Variants in MORC1 observed in about 807,000 individuals in gnomAD.
MORC1 encodes the protein MORC family CW-type zinc finger 1, also known as MORC family CW-type zinc finger protein 1.
A neutral mutation model predicts 134.9 loss-of-function variants in MORC1; 59 were observed. The ratio of observed to expected loss-of-function variants is 0.44; its 90% CI spans 0.35 to 0.54. The LOEUF (loss-of-function observed/expected upper bound fraction) is 0.54. MORC1 is among the 20% of genes least tolerant of loss of function. MORC1 has a pLI of 0.00. For missense variants in MORC1, 947 were observed against 1,134.5 expected, an observed-to-expected ratio of 0.83 and a Z score of 2.37; for synonymous variants, 395 against 391.7, an observed-to-expected ratio of 1.01 and a Z score of -0.10.
chr3:109,051,890 G>A (rs1949839638), intron 14 of MORC1, among the ~76,000 whole-genome samples: 1 of 151,916 alleles, frequency 6.6e-6, no homozygotes, highest in Admixed American at 6.6e-5. Flanking sequence ...AAGCAAAGGG[G>A]CTTCGAGAGA....
chr3:109,019,529 G>A (rs17665379), intron 17 of MORC1, among the ~76,000 whole-genome samples: 3,178 of 151,186 alleles, frequency 0.021, 52 homozygotes, highest in South Asian at 0.043. Flanking sequence ...TTCTTACATT[G>A]TTTACGTCAC....
At chr3:108,976,599 A>G (rs960631105) in intron 24 of MORC1, among the ~76,000 whole-genome samples, 4 of 152,242 alleles carry the variant, frequency 2.6e-5, no homozygotes, top group African/African-American at 9.6e-5. Context: ...GCAAAAGAGA[A>G]AACTGGTATG....
chr3:109,033,025 T>C (rs1949274820), intron 15 of MORC1, among the ~76,000 whole-genome samples, 200 bp from the exon 16 acceptor site: 1 of 152,096 alleles, frequency 6.6e-6, no homozygotes, highest in Non-Finnish European at 1.5e-5. Flanking sequence ...AACAAGTTAT[T>C]ATTATTATTA....
chr3:109,052,803 C>T (rs35511406), intron 14 of MORC1, among the ~76,000 whole-genome samples: 8,116 of 151,966 alleles, frequency 0.053, 502 homozygotes, highest in African/African-American at 0.15. Flanking sequence ...CTATGTCTGC[C>T]TAATTTAAAA....
At chr3:109,066,020 G>A (rs1323507230) in intron 9 of MORC1, among the ~76,000 whole-genome samples, 1 of 152,040 alleles carries the variant, frequency 6.6e-6, no homozygotes, top group African/African-American at 2.4e-5. Flanking sequence ...ACAAGACGGG[G>A]GAGAGGGAGG....
Position 109,034,980 on chromosome 3 carries a change from C to T in MORC1, c.1459+360G>A, listed in dbSNP as rs570087514. 7.2e-5 allele frequency among the ~76,000 whole-genome samples: 11 copies of T among 152,170 alleles called. No homozygotes were observed. The South Asian group carries it at 2.3e-3, about 32-fold the overall frequency. ...CATAGGCTGGTATCAAACTCCTGAG[C>T]TCAAGCAATCTACCCACCTCAGCCT... On this transcript the variant is annotated intron_variant, in intron 15 of 27. Coordinates refer to ENST00000232603, the MANE Select transcript of MORC1 (RefSeq NM_014429.4).
At chr3:109,024,761 C>T (rs1049158196) in intron 17 of MORC1, among the ~76,000 whole-genome samples, 9 of 152,106 alleles carry the variant, frequency 5.9e-5, no homozygotes, top group African/African-American at 2.2e-4. Flanking sequence ...TGAATGGACA[C>T]CAAAAATAGA....
At chr3:109,040,829 CAAAAAAA>C (rs59122147) in intron 14 of MORC1, among the ~76,000 whole-genome samples, 57,080 of 109,876 alleles carry the variant, frequency 0.52, 13,711 homozygotes, top group East Asian at 0.83. Flanking sequence ...AACTCTGTGT[CAAAAAAA>C]AAAAAAAAAA....
At chr3:109,033,712 GTACT>G (rs1377828028) in intron 15 of MORC1, among the ~76,000 whole-genome samples, 2 of 151,942 alleles carry the variant, frequency 1.3e-5, no homozygotes, top group Admixed American at 1.3e-4. Flanking sequence ...TATTATATTA[GTACT>G]TATCTAAAAG....
At position 109,100,401 on chromosome 3, in the gene MORC1, G is replaced by A. The variant is rs761572813; in HGVS notation, c.314+16C>T. On this transcript the variant is annotated intron_variant, in intron 5 of 27. Transcript: ENST00000232603. ...AGTATCAATAATATATGTCTTAAGG[G>A]AAAAAAAATTCTCACCTTTTAAGAC... 2.5e-6 allele frequency: 4 copies of A among 1,582,038 alleles called. No individual in the cohort carries two copies. Among genetic ancestry groups the A allele is most frequent in the Admixed American group, 1.7e-5 (1 of 59,942 alleles).
Position 109,103,860 on chromosome 3 carries a change from C to G in MORC1, c.212G>C (p.Gly71Ala). The G allele has an allele frequency of 6.2e-7, 1 of 1,613,726 alleles. No homozygotes were observed. The highest frequency in any genetic ancestry group is 8.5e-7 in the Non-Finnish European group (1 of 1,179,678). ...FMLCFLDDGC[G>A]MSPEEASDII... ...GATAATTAACTTACCAGGGCTCATG[C>G]CACATCCATCATCCAGGAAACACAA... The change falls in exon 4 of 28, where the codon GGC becomes GCC. Residue 71 changes from glycine (G) to alanine (A), a missense_variant. Around this residue, in one of 3 missense-constraint regions of MORC1, gnomAD observed 214 missense variants for 281.3 expected, o/e 0.76. Coordinates refer to ENST00000232603, the MANE Select transcript of MORC1 (RefSeq NM_014429.4).
intron 21 of MORC1, among the ~76,000 whole-genome samples, chr3:108,990,647 T>C (rs529023592): frequency 1.5e-4 from 23 of 152,316 alleles, no homozygotes; most frequent in East Asian, 3.9e-4. Flanking sequence ...ATCTTGTCTA[T>C]TGAATGATCC....
At chr3:109,094,218 G>A (rs1482666232) in intron 7 of MORC1, among the ~76,000 whole-genome samples, 1 of 152,092 alleles carries the variant, frequency 6.6e-6, no homozygotes, top group Non-Finnish European at 1.5e-5. Flanking sequence ...TCCAAGGCAT[G>A]ATTAACAAAA....
intron 1 of MORC1, among the ~76,000 whole-genome samples, chr3:109,117,588 GAA>G (rs1951299586): frequency 6.6e-6 from 1 of 152,124 alleles, no homozygotes; most frequent in African/African-American, 2.4e-5. Context: ...TTACATTTTT[GAA>G]AAGACTCAGG....
chr3:109,022,096 T>C (rs1296555420), intron 17 of MORC1, among the ~76,000 whole-genome samples: 2 of 152,154 alleles, frequency 1.3e-5, no homozygotes, highest in African/African-American at 4.8e-5. Context: ...TAAAGTAAAA[T>C]ATTTCATCTA....
At chr3:108,993,013 CATT>C (rs1948109119) in intron 21 of MORC1, among the ~76,000 whole-genome samples, 1 of 152,092 alleles carries the variant, frequency 6.6e-6, no homozygotes, top group African/African-American at 2.4e-5. Context: ...GAATAGATGG[CATT>C]ATTACTCTCG....
intron 15 of MORC1, among the ~76,000 whole-genome samples, chr3:109,034,991 T>C (rs1257556480): frequency 6.6e-6 from 1 of 152,028 alleles, no homozygotes; most frequent in Non-Finnish European, 1.5e-5. Flanking sequence ...TCAAGCAATC[T>C]ACCCACCTCA....
Position 109,033,706 on chromosome 3 carries a change from A to G in MORC1, c.1460-881T>C, listed in dbSNP as rs550543032. ...CATTATCTATTAAAAGATTAATATT[A>G]TATTAGTACTTATCTAAAAGTTACT... is the stretch of plus-strand genomic sequence containing the variant. On this transcript the variant is annotated intron_variant, in intron 15 of 27. Transcript: ENST00000232603. Among the ~76,000 whole-genome samples, 171 of 152,278 alleles carry G rather than the reference A, an allele frequency of 1.1e-3. 1 individual carries two copies. The highest frequency in any genetic ancestry group is 1.7e-3 in the Non-Finnish European group (115 of 68,028).
At chr3:109,009,114 T>A (rs978004137) in intron 17 of MORC1, among the ~76,000 whole-genome samples, 15 of 152,270 alleles carry the variant, frequency 9.9e-5, no homozygotes, top group African/African-American at 3.6e-4. Context: ...TTCAGACATC[T>A]CTTGCTGGTT....
Sources: allele counts gnomAD v4.1 joint callset (sites outside exome capture counted in the v4.1 genomes callset), GRCh38; gene constraint gnomAD v4.1.1; regional missense constraint gnomAD v4.1.1; transcripts MANE v1.5; gene names NCBI Gene and HGNC (gene_info 2026-07-23, HGNC 2026-07-21).